Variants in PRP4K observed in about 807,000 individuals in gnomAD.
The protein encoded by PRP4K is serine/threonine-protein kinase PRP4 homolog.
chr6:4,063,604 A>T, the PRP4K span: 4 of 151,854 alleles, frequency 2.6e-5, no homozygotes, highest in Non-Finnish European at 5.9e-5. Flanking sequence ...ATTCAGAGCC[A>T]TTTTTTTTAA....
the PRP4K span, among the ~76,000 whole-genome samples, chr6:4,044,677 T>TA: frequency 6.6e-6 from 1 of 152,066 alleles, no homozygotes; most frequent in South Asian, 2.1e-4. Context: ...CCCAGCCCTT[T>TA]AGTATTCAAT....
the PRP4K span, chr6:4,049,257 A>G: frequency 1.4e-6 from 1 of 698,122 alleles, no homozygotes; most frequent in Non-Finnish European, 2.3e-6. Context: ...AGCTGCATGA[A>G]CTCGTGTGTA....
the PRP4K span, chr6:4,058,719 GTT>G: frequency 6.2e-7 from 1 of 1,610,224 alleles, no homozygotes; most frequent in Admixed American, 1.7e-5. Context: ...TTTTTGTTTT[GTT>G]TTGTAGATGA....
the PRP4K span, chr6:4,032,127 G>A: frequency 6.2e-7 from 1 of 1,612,996 alleles, no homozygotes; most frequent in Admixed American, 1.7e-5. Flanking sequence ...AAGTAAGGGG[G>A]GTATTGAAAT....
chr6:4,032,146 A>G, the PRP4K span: 1 of 1,613,590 alleles, frequency 6.2e-7, no homozygotes, highest in Non-Finnish European at 8.5e-7. Flanking sequence ...ATCGTTAAAG[A>G]GAAAACAACT....
the PRP4K span, chr6:4,052,750 T>C: frequency 5.3e-5 from 85 of 1,598,282 alleles, no homozygotes; most frequent in Non-Finnish European, 6.7e-5. Context: ...TAAAAAAATA[T>C]GGTAAAGATG....
At chr6:4,047,813 G>A in the PRP4K span, among the ~76,000 whole-genome samples, 1 of 151,774 alleles carries the variant, frequency 6.6e-6, no homozygotes, top group Non-Finnish European at 1.5e-5. Context: ...AAGGACATGA[G>A]AAATAAGAGG....
chr6:4,064,659 T>C, the PRP4K span: 4 of 152,648 alleles, frequency 2.6e-5, no homozygotes, highest in African/African-American at 9.6e-5. Context: ...CCTAATGGAA[T>C]GTCTTCCTTA....
the PRP4K span, chr6:4,044,248 A>G: frequency 8.6e-6 from 4 of 466,710 alleles, no homozygotes; most frequent in Non-Finnish European, 7.5e-6. Context: ...ACTCTCACAT[A>G]TTCGTTACCT....
the PRP4K span, among the ~76,000 whole-genome samples, chr6:4,027,607 G>GGGGGGGGGGGGT: frequency 1.1e-5 from 1 of 94,536 alleles, no homozygotes; most frequent in Non-Finnish European, 2.2e-5. Flanking sequence ...GGGTGGGGGG[G>GGGGGGGGGGGGT]TGGGGTGGGG....
chr6:4,057,011 A>G, the PRP4K span: 3 of 1,525,830 alleles, frequency 2.0e-6, no homozygotes, highest in Admixed American at 2.2e-5. Context: ...ATCCTCGTAT[A>G]TTAAAACTTT....
the PRP4K span, chr6:4,056,659 A>T: frequency 6.4e-7 from 1 of 1,564,400 alleles, no homozygotes; most frequent in South Asian, 1.1e-5. Flanking sequence ...AAAATCCTCG[A>T]CTTTAGAAGA....
the PRP4K span, among the ~76,000 whole-genome samples, chr6:4,026,731 A>G: frequency 3.3e-5 from 5 of 152,258 alleles, no homozygotes; most frequent in Admixed American, 6.5e-5. Context: ...TAGTGCTTAC[A>G]TTATGATAGG....
At chr6:4,021,436 C>T in the PRP4K span, 2 of 1,585,390 alleles carry the variant, frequency 1.3e-6, no homozygotes, top group Non-Finnish European at 1.7e-6. Context: ...ATGGCCGCCG[C>T]GGAGACCCAG....
the PRP4K span, among the ~76,000 whole-genome samples, chr6:4,028,663 A>G: frequency 2.6e-5 from 4 of 152,232 alleles, no homozygotes; most frequent in East Asian, 7.7e-4. Flanking sequence ...CAGAGGACGT[A>G]GCTTCTTCTG....
chr6:4,052,695 T>C, the PRP4K span: 1 of 1,498,868 alleles, frequency 6.7e-7, no homozygotes, highest in African/African-American at 1.4e-5. Flanking sequence ...TATTTTGTTT[T>C]CTTTTTTTAA....
chr6:4,038,587 G>A, the PRP4K span, among the ~76,000 whole-genome samples: 46 of 151,970 alleles, frequency 3.0e-4, no homozygotes, highest in Middle Eastern at 3.4e-3. Flanking sequence ...TAATACTACC[G>A]CTTACTCATG....
At chr6:4,029,606 G>A in the PRP4K span, among the ~76,000 whole-genome samples, 1 of 152,042 alleles carries the variant, frequency 6.6e-6, no homozygotes, top group Non-Finnish European at 1.5e-5. Context: ...TCCTGCCTTG[G>A]CCTTCCATGG....
At chr6:4,022,233 T>C in the PRP4K span, among the ~76,000 whole-genome samples, 1 of 144,600 alleles carries the variant, frequency 6.9e-6, no homozygotes, top group African/African-American at 2.6e-5. Context: ...TGGGAATTGC[T>C]AGCTACTGCC....
Sources: allele counts gnomAD v4.1 joint callset (sites outside exome capture counted in the v4.1 genomes callset), GRCh38; gene constraint gnomAD v4.1.1; transcripts MANE v1.5; gene names NCBI Gene and HGNC (gene_info 2026-07-23, HGNC 2026-07-21).